The following PPAT variants were observed in gnomAD, a reference collection of about 807,000 sequenced individuals.
The protein encoded by PPAT is amidophosphoribosyltransferase.
In PPAT, 20 loss-of-function variants were observed where a neutral mutation model predicts 60.2. That is an observed-to-expected ratio of 0.33 (90% CI 0.23 to 0.48). The LOEUF is 0.48. Ranked by LOEUF, PPAT falls within the 20% of genes least tolerant of loss-of-function variation. The pLI, the probability that PPAT is intolerant of heterozygous loss-of-function variation, is 0.99. For missense variants in PPAT, 349 were observed against 629.6 expected, an observed-to-expected ratio of 0.55 and a Z score of 4.77; for synonymous variants, 194 against 215.1, an observed-to-expected ratio of 0.90 and a Z score of 0.86.
At chr4:56,409,059 T>C (rs1220519054) in intron 1 of PPAT, among the ~76,000 whole-genome samples, 1 of 152,242 alleles carries the variant, frequency 6.6e-6, no homozygotes, top group Admixed American at 6.5e-5. Context: ...ACTTGGTGCT[T>C]GAATAAACTC....
chr4:56,428,508 T>C (rs1354915271), intron 1 of PPAT, among the ~76,000 whole-genome samples: 3 of 152,168 alleles, frequency 2.0e-5, no homozygotes, highest in Non-Finnish European at 4.4e-5. Flanking sequence ...TATAGCATTT[T>C]ACAAAGAAAA....
intron 1 of PPAT, chr4:56,420,109 C>T: frequency 1.8e-6 from 1 of 561,002 alleles, no homozygotes; most frequent in Non-Finnish European, 2.3e-6. Flanking sequence ...TCAAGGATCC[C>T]TTTTCCAAAA....
At chr4:56,414,675 G>A (rs1284042795) in intron 1 of PPAT, among the ~76,000 whole-genome samples, 1 of 152,150 alleles carries the variant, frequency 6.6e-6, no homozygotes, top group Non-Finnish European at 1.5e-5. Context: ...ACTACCATCT[G>A]TATGTTTGGT....
At chr4:56,433,013 AAAACT>A (rs778205813) in intron 1 of PPAT, among the ~76,000 whole-genome samples, 4 of 150,738 alleles carry the variant, frequency 2.7e-5, no homozygotes, top group Non-Finnish European at 5.9e-5. Flanking sequence ...ATATATATAT[AAAACT>A]AAACTAAAAG....
At chr4:56,415,209 AAATAG>A (rs763911848) in intron 1 of PPAT, among the ~76,000 whole-genome samples, 12 of 152,342 alleles carry the variant, frequency 7.9e-5, no homozygotes, top group African/African-American at 2.6e-4. Context: ...TTACTCAATA[AAATAG>A]AAGTGGAAAA....
intron 10 of PPAT, 125 bp from the exon 11 acceptor site, chr4:56,395,673 T>A: frequency 1.6e-6 from 1 of 636,826 alleles, no homozygotes; most frequent in Non-Finnish European, 2.2e-6. Context: ...TAGCCTTTCT[T>A]TAAAAAAAAA....
At chr4:56,432,507 CAG>C (rs1249625872) in intron 1 of PPAT, among the ~76,000 whole-genome samples, 1 of 131,798 alleles carries the variant, frequency 7.6e-6, no homozygotes, top group African/African-American at 3.0e-5. Context: ...GCCTAGGTGA[CAG>C]AGTGAGACCC....
chr4:56,395,842 T>C (rs909266096), intron 10 of PPAT, among the ~76,000 whole-genome samples: 1 of 152,110 alleles, frequency 6.6e-6, no homozygotes, highest in African/African-American at 2.4e-5. Flanking sequence ...AAAATGGAAT[T>C]TAAAGTCAGG....
At position 56,394,333 on chromosome 4, in the gene PPAT, T is replaced by C. The variant is rs991336720; in HGVS notation, c.*1019A>G. 6.6e-6 allele frequency: 1 copy of C among 152,180 alleles called. No homozygotes were observed. Among genetic ancestry groups the C allele is most frequent in the African/African-American group, 2.4e-5 (1 of 41,446 alleles). The allele number at this position is 152,180 out of a possible 1,614,324, so 9.4% of individuals were successfully genotyped here. A position where few individuals can be genotyped will look rare whatever the true frequency, so the allele number is the denominator to read the frequency against. Reference sequence around the variant, plus strand: ...CCTATTGTGTCTGTACTTGATCACTTAATTGCAATAATATTTATGTGTATG... The same window carrying C: ...CCTATTGTGTCTGTACTTGATCACTCAATTGCAATAATATTTATGTGTATG... On this transcript the variant is annotated 3_prime_UTR_variant, in exon 11 of 11. Transcript: ENST00000264220.
At position 56,394,339 on chromosome 4, in the gene PPAT, CAAT is replaced by C. The variant is rs1715908977; in HGVS notation, c.*1010_*1012del. On this transcript the variant is annotated 3_prime_UTR_variant, in exon 11 of 11. Transcript: ENST00000264220. ...GTGTCTGTACTTGATCACTTAATTG[CAAT>C]AATATTTATGTGTATGTGTACATGT... The C allele has an allele frequency of 6.6e-6, 1 of 151,846 alleles. No homozygotes were observed. Among genetic ancestry groups the C allele is most frequent in the South Asian group, 2.1e-4 (1 of 4,810 alleles). The allele number at this position is 151,846 out of a possible 1,614,324, so 9.4% of individuals were successfully genotyped here.
intron 9 of PPAT, among the ~76,000 whole-genome samples, chr4:56,398,127 G>C (rs1176259987): frequency 6.6e-6 from 1 of 152,144 alleles, no homozygotes; most frequent in African/African-American, 2.4e-5. Flanking sequence ...CTAACACTTT[G>C]AGAGGCCGAG....
Position 56,396,469 on chromosome 4 carries a change from C to T in PPAT, c.1357+150G>A. On this transcript the variant is annotated intron_variant, in intron 10 of 10. Coordinates refer to ENST00000264220, the MANE Select transcript of PPAT (RefSeq NM_002703.5). The surrounding 1 kb of genome is among the most constrained non-coding windows in gnomAD (Gnocchi z 4.6). Reference sequence around the variant, plus strand: ...GGTGTCTGCCCATGCCCACTACTCTCACTGTTGAGAATAGTATTCAATATC... The same window carrying T: ...GGTGTCTGCCCATGCCCACTACTCTTACTGTTGAGAATAGTATTCAATATC... 1 of 728,340 alleles carries T rather than the reference C, an allele frequency of 1.4e-6. No homozygotes were observed. The highest frequency in any genetic ancestry group is 2.1e-6 in the Non-Finnish European group (1 of 482,242). 45.1% of individuals were successfully genotyped at this position (728,340 alleles called of 1,614,324 possible).
At chr4:56,398,051 GAAA>G (rs61063723) in intron 9 of PPAT, among the ~76,000 whole-genome samples, 1 of 151,240 alleles carries the variant, frequency 6.6e-6, no homozygotes, top group Non-Finnish European at 1.5e-5. Context: ...AAGGAAAAAA[GAAA>G]AAAAGGCATA....
At chr4:56,402,848 A>AAAAAG (rs1560638308) in intron 5 of PPAT, among the ~76,000 whole-genome samples, 192 bp downstream of exon 5, 10 of 76,098 alleles carry the variant, frequency 1.3e-4, no homozygotes, top group African/African-American at 5.1e-4. Context: ...AAAAAAAAAA[A>AAAAAG]GGGGGGGGAC....
intron 1 of PPAT, among the ~76,000 whole-genome samples, chr4:56,430,470 T>C (rs1237391992): frequency 1.3e-5 from 2 of 152,158 alleles, no homozygotes; most frequent in African/African-American, 4.8e-5. Context: ...TGGTAAAGTA[T>C]TCCCAGTGTC....
chr4:56,403,998 T>A (rs1716182149), intron 3 of PPAT: 1 of 439,242 alleles, frequency 2.3e-6, no homozygotes. Context: ...TCCTGCTGTG[T>A]GGCCTGGTTC....
intron 1 of PPAT, among the ~76,000 whole-genome samples, chr4:56,408,917 C>A (rs1716329140): frequency 6.6e-6 from 1 of 152,124 alleles, no homozygotes; most frequent in African/African-American, 2.4e-5. Context: ...GGCGCGCTAA[C>A]CTTGTATAAA....
At chr4:56,419,322 T>G (rs777365060) in intron 1 of PPAT, among the ~76,000 whole-genome samples, 1 of 151,922 alleles carries the variant, frequency 6.6e-6, no homozygotes, top group Non-Finnish European at 1.5e-5. Context: ...TACACTGACA[T>G]ACACCCTACA....
intron 1 of PPAT, chr4:56,411,033 GA>G (rs1423088815): frequency 1.6e-6 from 1 of 621,860 alleles, no homozygotes; most frequent in African/African-American, 2.0e-5. Context: ...CAAGACTGTG[GA>G]AAAATAACCA....
Sources: allele counts gnomAD v4.1 joint callset (sites outside exome capture counted in the v4.1 genomes callset), GRCh38; gene constraint gnomAD v4.1.1; non-coding constraint Gnocchi (gnomAD v3.1); transcripts MANE v1.5; gene names NCBI Gene and HGNC (gene_info 2026-07-23, HGNC 2026-07-21).